Variants in ANKIB1 observed in about 807,000 individuals in gnomAD.
ANKIB1 encodes ankyrin repeat and IBR domain containing 1.
A neutral mutation model predicts 122.1 loss-of-function variants in ANKIB1; 43 were observed. The observed-to-expected ratio is 0.35, with a 90% CI of 0.28 to 0.45. The LOEUF (loss-of-function observed/expected upper bound fraction) is 0.45. ANKIB1 is among the 20% of genes least tolerant of loss of function. ANKIB1 has a pLI of 1.00. For synonymous variants in ANKIB1, 390 were observed against 442.0 expected (o/e 0.88, Z 1.48); for missense variants, 992 against 1,329.5 (o/e 0.75, Z 3.95).
At chr7:92,345,415 T>C (rs1243845498) in intron 7 of ANKIB1, among the ~76,000 whole-genome samples, 1 of 152,248 alleles carries the variant, frequency 6.6e-6, no homozygotes, top group Non-Finnish European at 1.5e-5. Context: ...TTTGGTTTTG[T>C]GCTGTCTCAA....
intron 5 of ANKIB1, among the ~76,000 whole-genome samples, chr7:92,336,022 T>G (rs772127123): frequency 2.6e-5 from 4 of 152,100 alleles, no homozygotes; most frequent in African/African-American, 7.2e-5. Flanking sequence ...GTAGTACCAC[T>G]TCCCATAAAA....
intron 5 of ANKIB1, among the ~76,000 whole-genome samples, chr7:92,337,475 G>T (rs998991519): frequency 2.6e-5 from 4 of 151,784 alleles, no homozygotes; most frequent in Non-Finnish European, 5.9e-5. Flanking sequence ...TTTCTTCTTT[G>T]ATACATTGGT....
In ANKIB1 at chr7:92,268,676, A is replaced by G. The variant is rs141527259; in HGVS notation, c.-91+22157A>G. On this transcript the variant is annotated intron_variant, in intron 1 of 19. Coordinates refer to ENST00000265742, the MANE Select transcript of ANKIB1 (RefSeq NM_019004.2). ...TTTTTAGTAGAGACCAGCTTTCACC[A>G]TGTTGCCCAGGCTTGTCTCTAACTC... 2.7e-3 allele frequency among the ~76,000 whole-genome samples: 418 copies of G among 152,204 alleles called. 1 individual carries two copies. The highest frequency in any genetic ancestry group is 9.7e-3 in the African/African-American group (403 of 41,516).
intron 1 of ANKIB1, among the ~76,000 whole-genome samples, chr7:92,278,566 C>G (rs1370944659): frequency 2.6e-5 from 4 of 152,168 alleles, no homozygotes; most frequent in Non-Finnish European, 5.9e-5. Flanking sequence ...AGTTTTCCAG[C>G]TATCTCTTGT....
At chr7:92,395,009 A>G (rs1049614644) in intron 17 of ANKIB1, among the ~76,000 whole-genome samples, 1 of 152,228 alleles carries the variant, frequency 6.6e-6, no homozygotes, top group African/African-American at 2.4e-5. Flanking sequence ...TAGGGTAACC[A>G]GGATAATCAT....
Position 92,327,806 on chromosome 7 carries a change from G to A in ANKIB1, c.693G>A (p.Gln231=). ...KREPYEGLRP[Q]DLRRLKDMLI... ...AGCCATATGAAGGATTAAGGCCTCA[G>A]GATCTTCGTAGACTAAAAGATATGC... The change falls in exon 5 of 20, where the codon CAG becomes CAA. Residue 231 remains glutamine (Q), a synonymous_variant. Transcript: ENST00000265742. 6.3e-7 allele frequency: 1 copy of A among 1,580,716 alleles called. No homozygotes were observed. Among genetic ancestry groups the A allele is most frequent in the Non-Finnish European group, 8.5e-7 (1 of 1,170,686 alleles).
At chr7:92,356,418 T>C (rs1803814199) in intron 9 of ANKIB1, among the ~76,000 whole-genome samples, 1 of 152,230 alleles carries the variant, frequency 6.6e-6, no homozygotes, top group South Asian at 2.1e-4. Context: ...ATTTTCCAGC[T>C]CTTCACAGGC....
chr7:92,257,739 C>A (rs1486777082), intron 1 of ANKIB1, among the ~76,000 whole-genome samples: 1 of 152,208 alleles, frequency 6.6e-6, no homozygotes, highest in African/African-American at 2.4e-5. Flanking sequence ...TTGCCATGAG[C>A]AGAGATCGCG....
intron 1 of ANKIB1, among the ~76,000 whole-genome samples, chr7:92,258,940 T>A (rs1027668477): frequency 1.3e-5 from 2 of 151,274 alleles, no homozygotes; most frequent in Admixed American, 1.3e-4. Context: ...TTTTTTGGAG[T>A]TTTTTTTGTT....
At chr7:92,328,606 T>G (rs1803078704) in intron 5 of ANKIB1, among the ~76,000 whole-genome samples, 1 of 152,100 alleles carries the variant, frequency 6.6e-6, no homozygotes. Context: ...AGAAAAGTAT[T>G]TTCTGGTTTA....
chr7:92,320,157 TAAAAAC>T (rs962760079), intron 4 of ANKIB1, among the ~76,000 whole-genome samples: 1 of 152,092 alleles, frequency 6.6e-6, no homozygotes, highest in African/African-American at 2.4e-5. Context: ...GATCCCATCT[TAAAAAC>T]AAAACAAAAA....
At chr7:92,370,110 T>C (rs972432131) in intron 10 of ANKIB1, among the ~76,000 whole-genome samples, 3 of 152,170 alleles carry the variant, frequency 2.0e-5, no homozygotes, top group Admixed American at 1.3e-4. Context: ...TTGGATTTTA[T>C]CTTGTAGTCA....
intron 1 of ANKIB1, among the ~76,000 whole-genome samples, chr7:92,285,663 A>G (rs1802107164): frequency 6.6e-6 from 1 of 152,240 alleles, no homozygotes; most frequent in South Asian, 2.1e-4. Flanking sequence ...ATTCTGTCAT[A>G]GGAAACAAGA....
At chr7:92,269,219 G>A (rs916561588) in intron 1 of ANKIB1, among the ~76,000 whole-genome samples, 3 of 152,160 alleles carry the variant, frequency 2.0e-5, no homozygotes, top group African/African-American at 7.2e-5. Context: ...TTGAGGGACA[G>A]GAAAATAGTA....
intron 2 of ANKIB1, among the ~76,000 whole-genome samples, chr7:92,302,841 A>G (rs940546966): frequency 6.6e-6 from 1 of 152,166 alleles, no homozygotes; most frequent in African/African-American, 2.4e-5. Context: ...CTTATCTTGC[A>G]TGCAAACCCC....
intron 7 of ANKIB1, among the ~76,000 whole-genome samples, chr7:92,346,091 C>T (rs947315030): frequency 1.3e-5 from 2 of 151,984 alleles, no homozygotes; most frequent in Non-Finnish European, 2.9e-5. Context: ...CTTTTATCAC[C>T]CCCAATTTGT....
intron 11 of ANKIB1, among the ~76,000 whole-genome samples, chr7:92,380,177 A>G (rs1407894729): frequency 2.0e-5 from 3 of 152,186 alleles, no homozygotes; most frequent in East Asian, 3.8e-4. Flanking sequence ...GCGGCAAGCC[A>G]TGCTGGGGGA....
intron 11 of ANKIB1, among the ~76,000 whole-genome samples, chr7:92,371,930 A>G (rs1804264287): frequency 6.8e-6 from 1 of 146,560 alleles, no homozygotes; most frequent in African/African-American, 2.6e-5. Context: ...CACCTTCCCC[A>G]GTGAGAGTCT....
intron 11 of ANKIB1, among the ~76,000 whole-genome samples, chr7:92,385,043 AAAAC>A (rs1804603020): frequency 6.6e-6 from 1 of 151,782 alleles, no homozygotes; most frequent in Non-Finnish European, 1.5e-5. Flanking sequence ...TTACAAGAAA[AAAAC>A]AACCCCATCA....
Sources: allele counts gnomAD v4.1 joint callset (sites outside exome capture counted in the v4.1 genomes callset), GRCh38; gene constraint gnomAD v4.1.1; transcripts MANE v1.5; gene names NCBI Gene and HGNC (gene_info 2026-07-23, HGNC 2026-07-21).